The following EPHA8 variants were observed in gnomAD, a reference collection of about 807,000 sequenced individuals.
EPHA8 encodes the protein EPH receptor A8.
A neutral mutation model predicts 103.6 loss-of-function variants in EPHA8; 58 were observed. The observed-to-expected ratio is 0.56, with a 90% CI of 0.45 to 0.70. The LOEUF (loss-of-function observed/expected upper bound fraction) is 0.70, where lower values mean the gene tolerates loss of function less well. EPHA8 is among the 30% of genes least tolerant of loss of function. The probability of loss-of-function intolerance (pLI) is 0.00; values close to 1 mark genes in which losing one functional copy is unlikely to be tolerated. For synonymous variants in EPHA8, 559 were observed against 572.5 expected, an observed-to-expected ratio of 0.98 and a Z score of 0.34; for missense variants, 1,304 against 1,395.2, an observed-to-expected ratio of 0.93 and a Z score of 1.04.
Position 22,585,536 on chromosome 1 carries a change from G to A in EPHA8, c.824-944G>A, listed in dbSNP as rs540408210. Among the ~76,000 whole-genome samples, 355 of 152,300 alleles carry A rather than the reference G, an allele frequency of 2.3e-3. 1 individual carries two copies. Among genetic ancestry groups the A allele is most frequent in the Non-Finnish European group, 3.8e-3 (257 of 68,038 alleles). ...CTTGTTCTCTCCCTCCCTCCTAGCA[G>A]TGATCCCAGCTGAGAGCCAGTGGCT... On this transcript the variant is annotated intron_variant, in intron 3 of 16. Transcript: ENST00000166244.
intron 7 of EPHA8, among the ~76,000 whole-genome samples, chr1:22,594,850 G>A (rs1046520875): frequency 3.3e-5 from 5 of 152,210 alleles, no homozygotes; most frequent in African/African-American, 4.8e-5. Flanking sequence ...TGGAAGGGAC[G>A]TGGGGAGGGT....
intron 1 of EPHA8, among the ~76,000 whole-genome samples, chr1:22,564,481 G>A (rs1259883431): frequency 6.6e-6 from 1 of 151,870 alleles, no homozygotes; most frequent in Admixed American, 6.6e-5. Context: ...GGCAGGCCCC[G>A]GAGAGCAAAG....
chr1:22,586,269 G>C (rs1472240150), intron 3 of EPHA8, among the ~76,000 whole-genome samples: 1 of 152,102 alleles, frequency 6.6e-6, no homozygotes, highest in Non-Finnish European at 1.5e-5. Context: ...GCTCTGCCCT[G>C]ACTGGCTGTG....
At chr1:22,588,733 G>A (rs1641287429) in intron 4 of EPHA8, 138 bp from the exon 5 acceptor site, 2 of 1,450,888 alleles carry the variant, frequency 1.4e-6, no homozygotes, top group African/African-American at 1.4e-5. Flanking sequence ...AGAGGATGGA[G>A]TAGATGTGGA....
At chr1:22,585,041 G>GTGTGTGTGTGTGTA (rs1641155206) in intron 3 of EPHA8, among the ~76,000 whole-genome samples, 1 of 122,006 alleles carries the variant, frequency 8.2e-6, no homozygotes, top group African/African-American at 4.2e-5. Context: ...GTGTGTGTGT[G>GTGTGTGTGTGTGTA]TGTGTGTGTG....
At chr1:22,587,091 CAT>C (rs1412269314) in intron 4 of EPHA8, among the ~76,000 whole-genome samples, 4 of 152,214 alleles carry the variant, frequency 2.6e-5, no homozygotes, top group African/African-American at 7.2e-5. Context: ...GGTGTGTGTG[CAT>C]ATGTGTGTGT....
At chr1:22,578,065 ATGAG>A (rs1640801378) in intron 3 of EPHA8, among the ~76,000 whole-genome samples, 1 of 7,892 alleles carries the variant, frequency 1.3e-4, no homozygotes, top group Non-Finnish European at 3.2e-4. Flanking sequence ...GCATGTGTGC[ATGAG>A]TATGTATGCA....
rs753688757 is a variant in EPHA8 at position 22,589,216 on chromosome 1, G to A, written c.1315+10G>A. ...ACCACGAACCAGGCAGGTAGGCGGA[G>A]AAACTCCGTCCCGCAGCGTCCTGGT... On this transcript the variant is annotated intron_variant, in intron 5 of 16. Coordinates refer to ENST00000166244, the MANE Select transcript of EPHA8 (RefSeq NM_020526.5). The surrounding 1 kb of genome is among the most constrained non-coding windows in gnomAD (Gnocchi z 4.3). 2 of 1,613,994 alleles carry A rather than the reference G, an allele frequency of 1.2e-6. No individual in the cohort carries two copies. The highest frequency in any genetic ancestry group is 1.7e-6 in the Non-Finnish European group (2 of 1,180,004).
At chr1:22,581,693 A>G (rs1641051278) in intron 3 of EPHA8, among the ~76,000 whole-genome samples, 1 of 152,228 alleles carries the variant, frequency 6.6e-6, no homozygotes, top group African/African-American at 2.4e-5. Flanking sequence ...AAATAAAAAG[A>G]AATGCCAAAG....
intron 3 of EPHA8, among the ~76,000 whole-genome samples, chr1:22,586,039 C>T (rs776541479): frequency 2.0e-5 from 3 of 152,178 alleles, no homozygotes; most frequent in South Asian, 2.1e-4. Flanking sequence ...AAGTCAGTTC[C>T]GGGGCATTTG....
chr1:22,566,008 G>A (rs1446696259), intron 1 of EPHA8, among the ~76,000 whole-genome samples: 1 of 152,204 alleles, frequency 6.6e-6, no homozygotes, highest in East Asian at 1.9e-4. Context: ...TGAGGGGACT[G>A]TTGGAACTCA....
rs970630261 is a variant in EPHA8, at chr1:22,587,548, C to T, written c.979+913C>T. On this transcript the variant is annotated intron_variant, in intron 4 of 16. Coordinates refer to ENST00000166244, the MANE Select transcript of EPHA8 (RefSeq NM_020526.5). The stretch of plus-strand genomic sequence containing the variant: ...ACTGTCCTACCTTCTGCTGATGCAG[C>T]GCCTGGATTCTCTCCTCTCATGTGT... Among the ~76,000 whole-genome samples, 5 of 152,266 alleles carry T rather than the reference C, an allele frequency of 3.3e-5. No individual in the cohort carries two copies. In the East Asian group the frequency reaches 9.7e-4, roughly 29 times the overall value.
intron 9 of EPHA8, among the ~76,000 whole-genome samples, chr1:22,596,655 T>G (rs1264560699): frequency 6.6e-6 from 1 of 151,720 alleles, no homozygotes; most frequent in African/African-American, 2.4e-5. Flanking sequence ...TTATTATTTT[T>G]TATTTTTTAT....
intron 3 of EPHA8, among the ~76,000 whole-genome samples, chr1:22,584,236 G>T (rs1386915461): frequency 6.6e-6 from 1 of 152,196 alleles, no homozygotes. Flanking sequence ...CCTCCCGGGG[G>T]GCTTCTGGGA....
At position 22,567,332 on chromosome 1, in the gene EPHA8, G is replaced by GCCCCCT. The variant is rs1199490612; in HGVS notation, c.95-1947_95-1942dup. Among the ~76,000 whole-genome samples the GCCCCCT allele has an allele frequency of 5.9e-5, 9 of 152,106 alleles. No homozygotes were observed. The highest frequency in any genetic ancestry group is 2.6e-4 in the Admixed American group (4 of 15,278). Reference sequence around the variant, plus strand: ...CTGGTCTGGGGGAAACTGCAGTGCGGCCCCCTCCCCCTCCCACCAGCCAGC... The same window carrying GCCCCCT: ...CTGGTCTGGGGGAAACTGCAGTGCGGCCCCCTCCCCCTCCCCCTCCCACCAGCCAGC... On this transcript the variant is annotated intron_variant, in intron 1 of 16. Transcript: ENST00000166244. The surrounding 1 kb of genome is among the most constrained non-coding windows in gnomAD (Gnocchi z 4.2).
chr1:22,575,080 A>T (rs1417062911), intron 2 of EPHA8, among the ~76,000 whole-genome samples: 3 of 152,088 alleles, frequency 2.0e-5, no homozygotes, highest in Non-Finnish European at 4.4e-5. Context: ...CCTCCCGAGT[A>T]GCTGGGATTA....
chr1:22,585,050 TGC>T (rs1553146963), intron 3 of EPHA8, among the ~76,000 whole-genome samples: 3 of 93,494 alleles, frequency 3.2e-5, no homozygotes, highest in African/African-American at 6.0e-5. Flanking sequence ...TGTGTGTGTG[TGC>T]GCACGCGTGT....
chr1:22,573,492 A>G (rs372129457), intron 2 of EPHA8, among the ~76,000 whole-genome samples: 1 of 152,300 alleles, frequency 6.6e-6, no homozygotes, highest in East Asian at 1.9e-4. Flanking sequence ...CCTTCTCTCT[A>G]GTGCTTGTGG....
In EPHA8 at chr1:22,601,473, A is replaced by T. The variant is rs1237632422; in HGVS notation, c.2903A>T (p.Gln968Leu). 1 of 1,606,954 alleles carries T rather than the reference A, an allele frequency of 6.2e-7. No homozygotes were observed. Among genetic ancestry groups the T allele is most frequent in the Admixed American group, 1.7e-5 (1 of 59,874 alleles). The change falls in exon 16 of 17, where the codon CAG (glutamine) becomes CTG (leucine). Residue 968 changes from glutamine to leucine, a missense_variant and splice_region_variant. By Grantham distance (113) the Gln-to-Leu change is moderately radical. Transcript: ENST00000166244. Reference sequence around the variant, plus strand: ...GGCATGGTGCTACGCATGAACGCCCAGTGAGTGATGGGTGGGGCTGGGGCC... The same window carrying T: ...GGCATGGTGCTACGCATGAACGCCCTGTGAGTGATGGGTGGGGCTGGGGCC... ...SLGMVLRMNA[Q>L]DVRALGITLM... is the part of the protein sequence containing the mutation.
Sources: allele counts gnomAD v4.1 joint callset (sites outside exome capture counted in the v4.1 genomes callset), GRCh38; gene constraint gnomAD v4.1.1; non-coding constraint Gnocchi (gnomAD v3.1); transcripts MANE v1.5; gene names NCBI Gene and HGNC (gene_info 2026-07-23, HGNC 2026-07-21).